The following RANBP2 variants were observed in gnomAD, a reference collection of about 807,000 sequenced individuals.
The protein encoded by RANBP2 is RAN binding protein 2.
In RANBP2, 57 loss-of-function variants were observed where a neutral mutation model predicts 303.6. The observed-to-expected ratio is 0.19, with a 90% CI of 0.15 to 0.23. The LOEUF (loss-of-function observed/expected upper bound fraction) is 0.23, where lower values mean the gene tolerates loss of function less well. Among genes scored for constraint, RANBP2 ranks in the 10% least tolerant of loss-of-function variants. RANBP2 has a pLI of 1.00. For synonymous variants in RANBP2, 1,167 were observed against 1,301.5 expected, an observed-to-expected ratio of 0.90 and a Z score of 2.23; for missense variants, 3,138 against 3,780.8, an observed-to-expected ratio of 0.83 and a Z score of 4.46.
the RANBP2 span, among the ~76,000 whole-genome samples, chr2:109,327,385 T>A: frequency 6.6e-6 from 1 of 152,238 alleles, no homozygotes; most frequent in Admixed American, 6.5e-5. Context: ...TATTTGTCTA[T>A]TGTTGATTAA....
the RANBP2 span, among the ~76,000 whole-genome samples, chr2:109,489,233 C>T: frequency 0.016 from 2,431 of 152,342 alleles, 23 homozygotes; most frequent in Non-Finnish European, 0.025. Context: ...GGAACAAATG[C>T]TGGTCACCAA....
At chr2:108,907,920 G>T in the RANBP2 span, 129 of 1,613,546 alleles carry the variant, frequency 8.0e-5, no homozygotes, top group Non-Finnish European at 1.1e-4. Flanking sequence ...GCGACAGCAG[G>T]CACAGCTCCG....
chr2:109,426,929 G>C, the RANBP2 span, among the ~76,000 whole-genome samples: 2 of 151,840 alleles, frequency 1.3e-5, no homozygotes, highest in Non-Finnish European at 2.9e-5. Flanking sequence ...ACTCCCTGAA[G>C]GCTCAGATGA....
the RANBP2 span, among the ~76,000 whole-genome samples, chr2:109,218,493 G>A: frequency 2.0e-5 from 3 of 152,144 alleles, no homozygotes; most frequent in Admixed American, 6.5e-5. Flanking sequence ...TGCTTATTAG[G>A]CAGAAATAGA....
the RANBP2 span, among the ~76,000 whole-genome samples, chr2:108,985,143 G>C: frequency 6.6e-6 from 1 of 152,130 alleles, no homozygotes; most frequent in Admixed American, 6.5e-5. Context: ...GACTAATACT[G>C]TATCTTATTT....
chr2:108,922,977 A>C, the RANBP2 span, among the ~76,000 whole-genome samples: 1 of 152,168 alleles, frequency 6.6e-6, no homozygotes, highest in South Asian at 2.1e-4. Flanking sequence ...CCTCACTGTC[A>C]CCTAGCACTT....
the RANBP2 span, among the ~76,000 whole-genome samples, chr2:109,725,585 C>G: frequency 6.6e-6 from 1 of 152,108 alleles, no homozygotes; most frequent in Non-Finnish European, 1.5e-5. Context: ...TGTTCAGGAC[C>G]TCTATCACCT....
the RANBP2 span, among the ~76,000 whole-genome samples, chr2:109,021,039 A>G: frequency 6.6e-6 from 1 of 151,866 alleles, no homozygotes; most frequent in Non-Finnish European, 1.5e-5. Context: ...TGAAGCAGAA[A>G]CTCTTTCAAA....
At chr2:109,173,648 A>C in the RANBP2 span, among the ~76,000 whole-genome samples, 2 of 152,088 alleles carry the variant, frequency 1.3e-5, no homozygotes, top group Non-Finnish European at 2.9e-5. Flanking sequence ...GCTGAGACTC[A>C]TTAGACAGTG....
At chr2:109,086,275 A>AG in the RANBP2 span, among the ~76,000 whole-genome samples, 1 of 151,440 alleles carries the variant, frequency 6.6e-6, no homozygotes, top group African/African-American at 2.4e-5. Context: ...TTGTTGGGGG[A>AG]GGGGGGCGGT....
At chr2:109,670,785 G>A in the RANBP2 span, among the ~76,000 whole-genome samples, 2 of 151,994 alleles carry the variant, frequency 1.3e-5, no homozygotes, top group Non-Finnish European at 2.9e-5. Flanking sequence ...TGGAGTTGGG[G>A]GAATCACAAG....
chr2:108,888,042 A>G, the RANBP2 span, among the ~76,000 whole-genome samples: 40 of 152,188 alleles, frequency 2.6e-4, no homozygotes, highest in Non-Finnish European at 5.2e-4. Context: ...AGTTTCTTCT[A>G]TGCCTAGTTT....
chr2:109,613,336 C>T, the RANBP2 span: 8 of 378,638 alleles, frequency 2.1e-5, no homozygotes, highest in Admixed American at 2.2e-4. Flanking sequence ...TGGACGACCA[C>T]ACCATCGGAT....
chr2:108,786,172 A>G (rs916571862), downstream of RANBP2, among the ~76,000 whole-genome samples: 1 of 150,796 alleles, frequency 6.6e-6, no homozygotes, highest in East Asian at 1.9e-4. Context: ...CATTCTAACT[A>G]TTCTTTTTAA....
At chr2:108,864,907 G>A in the RANBP2 span, among the ~76,000 whole-genome samples, 2 of 152,104 alleles carry the variant, frequency 1.3e-5, no homozygotes, top group African/African-American at 4.8e-5. Context: ...GTTGTACTGA[G>A]CTATTAACAT....
chr2:109,014,686 T>C, the RANBP2 span, among the ~76,000 whole-genome samples: 14 of 152,304 alleles, frequency 9.2e-5, no homozygotes, highest in Non-Finnish European at 1.8e-4. Flanking sequence ...GGCAGAGACC[T>C]TGCTGTGGTG....
chr2:108,868,560 TC>T, the RANBP2 span, among the ~76,000 whole-genome samples: 1 of 152,170 alleles, frequency 6.6e-6, no homozygotes, highest in East Asian at 1.9e-4. Context: ...CTAAAAACTT[TC>T]TCCTCCAGCC....
At chr2:109,181,456 G>A in the RANBP2 span, among the ~76,000 whole-genome samples, 4 of 152,232 alleles carry the variant, frequency 2.6e-5, no homozygotes, top group East Asian at 7.7e-4. Context: ...GTAAGGGTTT[G>A]TGTGAAGAAA....
the RANBP2 span, among the ~76,000 whole-genome samples, chr2:108,952,907 G>C: frequency 3.9e-5 from 6 of 152,040 alleles, no homozygotes; most frequent in Non-Finnish European, 8.8e-5. Context: ...TCTTTATTAG[G>C]GTTGGTCTAT....
Sources: gnomAD v4.1 joint callset for allele counts (sites outside exome capture counted in the v4.1 genomes callset) on GRCh38, gnomAD v4.1.1 for gene constraint, MANE v1.5 for transcripts, NCBI Gene and HGNC (gene_info 2026-07-23, HGNC 2026-07-21) for gene names.